The following ZFAND3 variants were observed in gnomAD, a reference collection of about 807,000 sequenced individuals.
ZFAND3 encodes the protein AN1-type zinc finger protein 3.
In ZFAND3, 10 loss-of-function variants were observed where a neutral mutation model predicts 29.6. That is an observed-to-expected ratio of 0.34 (90% confidence interval 0.21 to 0.57). The LOEUF is 0.57. ZFAND3 is among the 20% of genes least tolerant of loss of function. The pLI, the probability that ZFAND3 is intolerant of heterozygous loss-of-function variation, is 0.86. For synonymous variants in ZFAND3, 128 were observed against 112.6 expected (o/e 1.14, Z -0.87); for missense variants, 230 against 304.5 (o/e 0.76, Z 1.82).
intron 1 of ZFAND3, among the ~76,000 whole-genome samples, chr6:37,845,209 A>G (rs1241728962): frequency 1.3e-5 from 2 of 152,112 alleles, no homozygotes; most frequent in Non-Finnish European, 2.9e-5. Flanking sequence ...GCCATCTTTA[A>G]TCTTCTACTG....
chr6:38,116,524 G>T (rs1185652396), intron 4 of ZFAND3, 48 bp from the exon 5 acceptor site: 7 of 1,565,262 alleles, frequency 4.5e-6, no homozygotes, highest in South Asian at 2.4e-5. Context: ...AACTGTGCTT[G>T]CCAGGCCAGG....
chr6:38,074,068 A>G (rs561109932), intron 3 of ZFAND3, among the ~76,000 whole-genome samples: 3 of 152,186 alleles, frequency 2.0e-5, no homozygotes, highest in East Asian at 1.9e-4. Flanking sequence ...ATTGGATCTT[A>G]TATTAACCTT....
At chr6:37,904,497 C>T (rs961959122) in intron 1 of ZFAND3, among the ~76,000 whole-genome samples, 1 of 152,132 alleles carries the variant, frequency 6.6e-6, no homozygotes. Flanking sequence ...TGGAAAGTCT[C>T]AGCCCAATGA....
intron 2 of ZFAND3, among the ~76,000 whole-genome samples, chr6:38,047,968 T>G (rs886812857): frequency 3.8e-5 from 5 of 131,832 alleles, no homozygotes; most frequent in Admixed American, 3.4e-4. Context: ...TTTTGGGTTT[T>G]TTTTGTTTTT....
In ZFAND3 at chr6:37,884,362, C is replaced by T. The variant is rs1987455; in HGVS notation, c.72-45597C>T. Among the ~76,000 whole-genome samples the T allele has an allele frequency of 3.5e-5, 5 of 142,980 alleles. 1 individual carries two copies. Among genetic ancestry groups the T allele is most frequent in the Non-Finnish European group, 3.0e-5 (2 of 67,048 alleles). 93.8% of individuals were successfully genotyped at this position (142,980 alleles called of 152,430 possible). ...ATACAAAATTAGCCAGGCGTGGTGG[C>T]GCATGCCTGTAATCCCAGCTACTTG... is the stretch of plus-strand genomic sequence containing the variant. On this transcript the variant is annotated intron_variant, in intron 1 of 5. Coordinates refer to ENST00000287218, the MANE Select transcript of ZFAND3 (RefSeq NM_021943.3).
chr6:37,868,155 T>G (rs1764622239), intron 1 of ZFAND3, among the ~76,000 whole-genome samples: 1 of 152,168 alleles, frequency 6.6e-6, no homozygotes, highest in Non-Finnish European at 1.5e-5. Flanking sequence ...TGTATTGACA[T>G]GTGTCAAATG....
intron 1 of ZFAND3, among the ~76,000 whole-genome samples, chr6:37,851,937 A>G (rs902696262): frequency 1.3e-5 from 2 of 152,234 alleles, no homozygotes; most frequent in Non-Finnish European, 2.9e-5. Context: ...CACAGAAACA[A>G]TAGCTGATAC....
chr6:37,910,047 C>T (rs1765492414), intron 1 of ZFAND3, among the ~76,000 whole-genome samples: 1 of 152,198 alleles, frequency 6.6e-6, no homozygotes, highest in South Asian at 2.1e-4. Context: ...TTGTTCTTTG[C>T]ATGTCATCAA....
At chr6:38,150,521 T>G (rs543572215) in intron 5 of ZFAND3, among the ~76,000 whole-genome samples, 1 of 152,348 alleles carries the variant, frequency 6.6e-6, no homozygotes, top group African/African-American at 2.4e-5. Context: ...TCACACACTT[T>G]TCTTCCCTCA....
intron 1 of ZFAND3, among the ~76,000 whole-genome samples, chr6:37,842,075 A>G (rs919976186): frequency 1.3e-5 from 2 of 152,122 alleles, no homozygotes; most frequent in African/African-American, 4.8e-5. Flanking sequence ...ATCCTCTTTT[A>G]TAAAGGTACT....
intron 1 of ZFAND3, among the ~76,000 whole-genome samples, chr6:37,828,565 A>G (rs1371995616): frequency 6.6e-6 from 1 of 152,182 alleles, no homozygotes; most frequent in Non-Finnish European, 1.5e-5. Flanking sequence ...GAGGTAGGAG[A>G]AGGTATGGTG....
At chr6:37,874,305 C>A (rs758409271) in intron 1 of ZFAND3, among the ~76,000 whole-genome samples, 4 of 152,072 alleles carry the variant, frequency 2.6e-5, no homozygotes, top group African/African-American at 9.7e-5. Flanking sequence ...CACCTGAGGT[C>A]GGGAGTTCGA....
chr6:38,004,109 G>A (rs920437055), intron 2 of ZFAND3, among the ~76,000 whole-genome samples: 1 of 152,074 alleles, frequency 6.6e-6, no homozygotes, highest in Admixed American at 6.6e-5. Flanking sequence ...GAGGATTTTA[G>A]GAGTCCTGTA....
At chr6:38,106,579 T>C (rs899218981) in intron 4 of ZFAND3, among the ~76,000 whole-genome samples, 8 of 152,266 alleles carry the variant, frequency 5.3e-5, no homozygotes, top group African/African-American at 1.7e-4. Context: ...GTCTGACTTT[T>C]CTCTCATCTA....
At chr6:38,043,285 A>G (rs906822986) in intron 2 of ZFAND3, among the ~76,000 whole-genome samples, 1 of 141,970 alleles carries the variant, frequency 7.0e-6, no homozygotes, top group African/African-American at 2.6e-5. Context: ...CCAGCCCTCT[A>G]TTCTGTTTAT....
At chr6:37,948,495 A>T (rs1761939860) in intron 2 of ZFAND3, among the ~76,000 whole-genome samples, 1 of 152,162 alleles carries the variant, frequency 6.6e-6, no homozygotes, top group Non-Finnish European at 1.5e-5. Context: ...TAGGGGGCAC[A>T]TGGGCACATT....
At chr6:38,117,634 G>GGTCAC (rs1765447470) in intron 5 of ZFAND3, among the ~76,000 whole-genome samples, 2 of 152,216 alleles carry the variant, frequency 1.3e-5, no homozygotes, top group Admixed American at 1.3e-4. Flanking sequence ...TTGACTTTGA[G>GGTCAC]ACCTGTCTGT....
At chr6:38,095,162 A>G (rs1490371943) in intron 4 of ZFAND3, among the ~76,000 whole-genome samples, 1 of 152,192 alleles carries the variant, frequency 6.6e-6, no homozygotes, top group Non-Finnish European at 1.5e-5. Context: ...CTAAGAATAT[A>G]TTTCTTTTTC....
intron 2 of ZFAND3, among the ~76,000 whole-genome samples, chr6:37,931,744 T>A (rs1271295259): frequency 6.6e-6 from 1 of 152,048 alleles, no homozygotes; most frequent in Non-Finnish European, 1.5e-5. Context: ...TTTTTTTTGT[T>A]GTTGTTAATT....
Sources: gnomAD v4.1 joint callset for allele counts (sites outside exome capture counted in the v4.1 genomes callset) on GRCh38, gnomAD v4.1.1 for gene constraint, MANE v1.5 for transcripts, NCBI Gene and HGNC (gene_info 2026-07-23, HGNC 2026-07-21) for gene names.